The following DPEP1 variants were observed in gnomAD, a reference collection of about 807,000 sequenced individuals.
The protein encoded by DPEP1 is beta-lactamase.
Under a neutral mutation model 42.3 loss-of-function variants are expected in DPEP1, and 50 were observed. The observed-to-expected ratio is 1.18, with a 90% CI of 0.94 to 1.50. The LOEUF is 1.50. Among genes scored for constraint, DPEP1 ranks in the 40% most tolerant of loss-of-function variants. The pLI is 0.00. For missense variants in DPEP1, 663 were observed against 553.0 expected (o/e 1.20, Z -1.99); for synonymous variants, 297 against 234.0 (o/e 1.27, Z -2.46).
Position 89,637,715 on chromosome 16 carries a change from G to A in DPEP1, c.929+8G>A, listed in dbSNP as rs770045801. 56 of 1,613,090 alleles carry A rather than the reference G, an allele frequency of 3.5e-5. No individual in the cohort carries two copies. The Middle Eastern group carries it at 4.9e-4, about 14-fold the overall frequency. On this transcript the variant is annotated splice_region_variant and intron_variant, in intron 9 of 10. Transcript: ENST00000690203. ...CTTTGATGGTGTTCCAAGGTAAGGG[G>A]CTGAGAGCTCTGTCCTGTGGATGAG...
intron 1 of DPEP1, among the ~76,000 whole-genome samples, chr16:89,629,815 C>T (rs1171917534): frequency 2.0e-5 from 3 of 152,178 alleles, no homozygotes; most frequent in African/African-American, 7.2e-5. Flanking sequence ...GGTGCGGACC[C>T]CTCAGCAACA....
intron 9 of DPEP1, 36 bp downstream of exon 9, chr16:89,637,743 G>A (rs376681359): frequency 1.8e-4 from 293 of 1,612,728 alleles, no homozygotes; most frequent in East Asian, 4.9e-4. Context: ...TGGATGAGCC[G>A]GGAGGTTCAT....
chr16:89,640,039 T>C (rs973309722), downstream of DPEP1, among the ~76,000 whole-genome samples: 1 of 152,186 alleles, frequency 6.6e-6, no homozygotes, highest in African/African-American at 2.4e-5. Context: ...TCCCTCCCAC[T>C]GTGGGCAGCA....
downstream of DPEP1, chr16:89,640,536 G>T: frequency 1.0e-6 from 1 of 984,080 alleles, no homozygotes; most frequent in African/African-American, 1.7e-5. Context: ...CAGAAGGGAC[G>T]CGTCCTGATC....
At chr16:89,640,827 A>C (rs143627181), downstream of DPEP1, among the ~76,000 whole-genome samples, 8 of 152,206 alleles carry the variant, frequency 5.3e-5, no homozygotes, top group African/African-American at 1.9e-4. Context: ...AAAGAGAAGA[A>C]AAGACAGCTG....
intron 1 of DPEP1, among the ~76,000 whole-genome samples, chr16:89,624,976 C>G (rs258340): frequency 0.43 from 65,355 of 152,030 alleles, 14,846 homozygotes; most frequent in Middle Eastern, 0.62. Context: ...ACAGCACTTT[C>G]CTTTCCATCT....
chr16:89,622,038 C>T (rs754633964), intron 1 of DPEP1, among the ~76,000 whole-genome samples: 23 of 152,146 alleles, frequency 1.5e-4, no homozygotes, highest in Non-Finnish European at 2.8e-4. Context: ...CTGTCACCTG[C>T]GTCTCGACAG....
At chr16:89,626,174 G>A (rs534054851) in intron 1 of DPEP1, among the ~76,000 whole-genome samples, 1 of 152,284 alleles carries the variant, frequency 6.6e-6, no homozygotes, top group East Asian at 1.9e-4. Flanking sequence ...CTGAATGGTG[G>A]AGCTGAGTGA....
chr16:89,633,955 C>T (rs946184188), intron 2 of DPEP1, among the ~76,000 whole-genome samples: 1 of 152,186 alleles, frequency 6.6e-6, no homozygotes, highest in African/African-American at 2.4e-5. Flanking sequence ...TGGGCATTCC[C>T]CAGGGTCGGG....
chr16:89,641,223 G>C (rs1005227543), downstream of DPEP1, among the ~76,000 whole-genome samples: 2 of 152,082 alleles, frequency 1.3e-5, no homozygotes, highest in African/African-American at 4.8e-5. Context: ...AGGGCTGCGG[G>C]GGGGGGTTGA....
rs142226072 is a variant in DPEP1, at chr16:89,637,551, C to T, written c.852C>T (p.Ala284=). 251 of 1,612,584 alleles carry T rather than the reference C, an allele frequency of 1.6e-4. No individual in the cohort carries two copies. The highest frequency in any genetic ancestry group is 1.0e-3 in the African/African-American group (75 of 74,990). ...CTNKANLSQV[A]DHLDHIKEVA... ...ACAAGGCCAACCTGTCCCAAGTGGC[C>T]GGTAGGTGGGGTGTGAGCGGCCAAG... Residue 284 remains alanine (A), a splice_region_variant and synonymous_variant, in exon 8 of 11, where the codon GCC becomes GCT. Coordinates refer to ENST00000690203, the MANE Select transcript of DPEP1 (RefSeq NM_001389466.1).
chr16:89,636,203 C>A (rs2059676118), intron 3 of DPEP1, 61 bp from the exon 4 acceptor site: 1 of 1,567,144 alleles, frequency 6.4e-7, no homozygotes. Context: ...CTCCCACAGG[C>A]ATGCGGGGGG....
downstream of DPEP1, among the ~76,000 whole-genome samples, chr16:89,639,278 G>A (rs572251653): frequency 1.4e-3 from 6 of 4,232 alleles, no homozygotes; most frequent in Non-Finnish European, 8.0e-4. Context: ...ACCCCTGCAC[G>A]CACACACCCC....
chr16:89,627,684 G>A (rs1302112795), intron 1 of DPEP1, among the ~76,000 whole-genome samples: 3 of 124,228 alleles, frequency 2.4e-5, no homozygotes, highest in Non-Finnish European at 3.3e-5. Flanking sequence ...TTTTTGAAAC[G>A]GAGTCTTGCT....
chr16:89,634,158 G>A (rs973103952), intron 2 of DPEP1, among the ~76,000 whole-genome samples: 1 of 147,174 alleles, frequency 6.8e-6, no homozygotes, highest in African/African-American at 2.5e-5. Context: ...GTGCGATCTC[G>A]GCTCACTGCA....
At chr16:89,634,561 T>TCCCTTCCTTCTCCTTTC in intron 2 of DPEP1, among the ~76,000 whole-genome samples, 1 of 12,204 alleles carries the variant, frequency 8.2e-5, no homozygotes, top group Non-Finnish European at 2.9e-4. Context: ...CCTTCTCCTT[T>TCCCTTCCTTCTCCTTTC]CCCTTCCTTC....
intron 1 of DPEP1, among the ~76,000 whole-genome samples, chr16:89,629,368 G>C (rs1436530260): frequency 6.6e-5 from 10 of 152,080 alleles, no homozygotes; most frequent in African/African-American, 2.2e-4. Flanking sequence ...CAGACGTGGT[G>C]GTGCACGCCT....
chr16:89,613,564 G>C (rs190556508), upstream of DPEP1: 1 of 152,508 alleles, frequency 6.6e-6, no homozygotes, highest in Non-Finnish European at 1.5e-5. Flanking sequence ...AGAGAACACA[G>C]GGTTCCTGCA....
chr16:89,637,633 C>A lies in DPEP1; in HGVS notation c.855C>A (p.Asp285Glu), dbSNP rs146407900. The A allele has an allele frequency of 1.2e-6, 2 of 1,612,808 alleles. No homozygotes were observed. Among genetic ancestry groups the A allele is most frequent in the Non-Finnish European group, 8.5e-7 (1 of 1,179,998 alleles). Residue 285 changes from aspartate to glutamate, a missense_variant and splice_region_variant, in exon 9 of 11, where the codon GAC (aspartate) becomes GAA (glutamate). By Grantham distance (45) the Asp-to-Glu change is conservative. Transcript: ENST00000690203. Reference sequence around the variant, plus strand: ...CCATACCTGCTGCTCCCTGGACAGACCATCTGGATCACATCAAGGAGGTGG... The same window carrying A: ...CCATACCTGCTGCTCCCTGGACAGAACATCTGGATCACATCAAGGAGGTGG... ...TNKANLSQVA[D>E]HLDHIKEVAG...
Sources: gnomAD v4.1 joint callset for allele counts (sites outside exome capture counted in the v4.1 genomes callset) on GRCh38, gnomAD v4.1.1 for gene constraint, MANE v1.5 for transcripts, NCBI Gene and HGNC (gene_info 2026-07-23, HGNC 2026-07-21) for gene names.